The following ESR1 variants were observed in gnomAD, a reference collection of about 807,000 sequenced individuals.
ESR1 encodes estrogen receptor 1.
ESR1 carries 12 observed loss-of-function variants against 52.7 expected under a neutral mutation model. The ratio of observed to expected loss-of-function variants is 0.23; its 90% CI spans 0.15 to 0.37. ESR1 has a LOEUF of 0.37. ESR1 is among the 10% of genes least tolerant of loss of function. The pLI, the probability that ESR1 is intolerant of heterozygous loss-of-function variation, is 1.00. For synonymous variants in ESR1, 305 were observed against 316.8 expected (o/e 0.96, Z 0.39); for missense variants, 584 against 779.7 (o/e 0.75, Z 2.99).
intron 2 of ESR1, 127 bp downstream of exon 2, chr6:151,842,914 T>C: frequency 1.3e-6 from 1 of 760,144 alleles, no homozygotes; most frequent in Middle Eastern, 3.5e-4. Context: ...GTAGGTCCAC[T>C]AGTATCTTTG....
At chr6:151,831,145 T>C (rs1017130628) in intron 1 of ESR1, among the ~76,000 whole-genome samples, 1 of 137,844 alleles carries the variant, frequency 7.3e-6, no homozygotes, top group Non-Finnish European at 1.5e-5. Flanking sequence ...TCTTTTCTTT[T>C]CTTTTTTTTT....
chr6:151,773,153 G>A (rs1785653987), intron 2 of ESR1, among the ~76,000 whole-genome samples: 1 of 152,234 alleles, frequency 6.6e-6, no homozygotes, highest in African/African-American at 2.4e-5. Flanking sequence ...TTATTAAAAG[G>A]GAAAATTTGG....
rs147232758 is a variant in ESR1, at chr6:151,960,677, G to T, written c.1096+16169G>T. 5.6e-3 allele frequency among the ~76,000 whole-genome samples: 858 copies of T among 152,316 alleles called. 11 individuals carry two copies. Among genetic ancestry groups the T allele is most frequent in the African/African-American group, 0.02 (827 of 41,568 alleles). On this transcript the variant is annotated intron_variant, in intron 4 of 7. Transcript: ENST00000206249. ...ATTCTGAAGGAAATGAGGACTCATT[G>T]CAGGACTTTGAGAGCATGATCTGAC...
intron 7 of ESR1, among the ~76,000 whole-genome samples, chr6:152,096,349 A>C (rs1388899760): frequency 6.6e-6 from 1 of 152,180 alleles, no homozygotes; most frequent in Non-Finnish European, 1.5e-5. Context: ...GGGACCTTCA[A>C]ATCCTTAGAC....
At chr6:151,964,596 A>G (rs2038046903) in intron 4 of ESR1, among the ~76,000 whole-genome samples, 1 of 150,998 alleles carries the variant, frequency 6.6e-6, no homozygotes, top group Middle Eastern at 3.5e-3. Context: ...TTCTGTATAT[A>G]TGATGATGTC....
At position 152,097,329 on chromosome 6, in the gene ESR1, G is replaced by A. The variant is rs568208494; in HGVS notation, c.1554-1403G>A. Among the ~76,000 whole-genome samples, 467 of 151,944 alleles carry A rather than the reference G, an allele frequency of 3.1e-3. 2 individuals carry two copies. Among genetic ancestry groups the A allele is most frequent in the Middle Eastern group, 6.8e-3 (2 of 294 alleles). ...TATCAGATTTCATCTGACTGTAAAC[G>A]TGAATCATCAGGTTGCACAAGGAAC... On this transcript the variant is annotated intron_variant, in intron 7 of 7. Coordinates refer to ENST00000206249, the MANE Select transcript of ESR1 (RefSeq NM_000125.4).
chr6:151,936,417 T>C (rs2034364935), intron 3 of ESR1, among the ~76,000 whole-genome samples: 1 of 152,236 alleles, frequency 6.6e-6, no homozygotes, highest in Non-Finnish European at 1.5e-5. Flanking sequence ...GGCTTGAAAT[T>C]GTTTTTGCTT....
At chr6:152,129,030 T>C (rs1471046494) in exon 7 of ESR1, 1 of 152,228 alleles carries the variant, frequency 6.6e-6, no homozygotes. Flanking sequence ...CTCAGAAAGA[T>C]GTTAATGAAC....
At chr6:151,686,689 AAACCAACCAACC>A (rs35551206), upstream of ESR1, among the ~76,000 whole-genome samples, 3,237 of 126,640 alleles carry the variant, frequency 0.026, 127 homozygotes, top group African/African-American at 0.098. Flanking sequence ...CTCCATCTCA[AAACCAACCAACC>A]AACCAACCAA....
intron 4 of ESR1, among the ~76,000 whole-genome samples, chr6:151,969,639 A>G (rs1455336934): frequency 6.6e-6 from 1 of 152,232 alleles, no homozygotes; most frequent in African/African-American, 2.4e-5. Flanking sequence ...TAGAATGTGG[A>G]GTCAGCAGGA....
intron 5 of ESR1, among the ~76,000 whole-genome samples, chr6:152,038,954 T>C (rs1322172468): frequency 1.3e-5 from 2 of 152,178 alleles, no homozygotes; most frequent in Non-Finnish European, 2.9e-5. Flanking sequence ...CTAAATCTTA[T>C]GTCACATGAT....
chr6:151,980,788 C>T (rs893556504), intron 4 of ESR1, among the ~76,000 whole-genome samples: 1 of 152,154 alleles, frequency 6.6e-6, no homozygotes, highest in Non-Finnish European at 1.5e-5. Context: ...AATGCAACCT[C>T]CGCCTCCCGG....
At chr6:152,122,401 G>A (rs772330955) in intron 6 of ESR1, 2 of 1,613,852 alleles carry the variant, frequency 1.2e-6, no homozygotes, top group East Asian at 4.5e-5. Flanking sequence ...TCCTCCTTAT[G>A]CTACCAGCAC....
intron 3 of ESR1, among the ~76,000 whole-genome samples, chr6:151,916,755 T>C (rs2128452039): frequency 6.6e-6 from 1 of 152,294 alleles, no homozygotes; most frequent in Admixed American, 6.5e-5. Context: ...AAGACATAAG[T>C]TTGTCATGCA....
At position 151,807,786 on chromosome 6, in the gene ESR1, G is replaced by T; in HGVS notation, c.-127G>T. The T allele has an allele frequency of 1.1e-6, 1 of 918,140 alleles. No individual in the cohort carries two copies. The highest frequency in any genetic ancestry group is 2.0e-5 in the Admixed American group (1 of 50,064). 56.9% of individuals were successfully genotyped at this position (918,140 alleles called of 1,614,324 possible). A position where few individuals can be genotyped will look rare whatever the true frequency, so the allele number is the denominator to read the frequency against. On this transcript the variant is annotated 5_prime_UTR_variant, in exon 1 of 8. Transcript: ENST00000206249. ...GGGCAGGGCCGGGGCCAGAGCTCGC[G>T]TGTCGGCGGGACATGCGCTGCGTCG...
chr6:151,817,582 CA>C (rs1030604634), intron 1 of ESR1, among the ~76,000 whole-genome samples: 18 of 152,134 alleles, frequency 1.2e-4, no homozygotes, highest in Non-Finnish European at 2.4e-4. Context: ...CTCAGCTTTC[CA>C]AAATAAGTTT....
intron 6 of ESR1, among the ~76,000 whole-genome samples, chr6:152,082,915 A>G (rs534181867): frequency 6.6e-6 from 1 of 152,350 alleles, no homozygotes; most frequent in South Asian, 2.1e-4. Flanking sequence ...AGGGATGTGA[A>G]GGACCTCTTC....
At position 152,030,444 on chromosome 6, in the gene ESR1, T is replaced by A. The variant is rs4870075; in HGVS notation, c.1235+18650T>A. ...CTCAAAATAAAGGGATGGAGGAAAA[T>A]CTACCAAGCAAATGGAAAACAAAAA... On this transcript the variant is annotated intron_variant, in intron 5 of 7. Transcript: ENST00000206249. Among the ~76,000 whole-genome samples the A allele has an allele frequency of 4.7e-3, 719 of 151,902 alleles. 21 individuals are homozygous for A. Among genetic ancestry groups the A allele is most frequent in the Admixed American group, 0.033 (497 of 15,256 alleles).
At chr6:152,079,584 C>T (rs1254595617) in intron 6 of ESR1, among the ~76,000 whole-genome samples, 6 of 152,180 alleles carry the variant, frequency 3.9e-5, no homozygotes, top group Non-Finnish European at 8.8e-5. Context: ...GCCTCTTCTG[C>T]TCCAAAGGAT....
Sources: allele counts gnomAD v4.1 joint callset (sites outside exome capture counted in the v4.1 genomes callset), GRCh38; gene constraint gnomAD v4.1.1; transcripts MANE v1.5; gene names NCBI Gene and HGNC (gene_info 2026-07-23, HGNC 2026-07-21).